Variants in SDCCAG8 observed in about 807,000 individuals in gnomAD.
The protein encoded by SDCCAG8 is serologically defined colon cancer antigen 8.
Under a neutral mutation model 101.8 loss-of-function variants are expected in SDCCAG8, and 74 were observed. That is an observed-to-expected ratio of 0.73 (90% confidence interval 0.60 to 0.88). SDCCAG8 has a LOEUF of 0.88. SDCCAG8 is among the 40% of genes least tolerant of loss of function. The pLI, the probability that SDCCAG8 is intolerant of heterozygous loss-of-function variation, is 0.00. For missense variants in SDCCAG8, 787 were observed against 822.6 expected (o/e 0.96, Z 0.53); for synonymous variants, 281 against 292.9 (o/e 0.96, Z 0.41).
chr1:243,403,236 G>T (rs1405933760), intron 13 of SDCCAG8, among the ~76,000 whole-genome samples: 8 of 152,156 alleles, frequency 5.3e-5, no homozygotes, highest in Non-Finnish European at 1.2e-4. Flanking sequence ...CTAGCACATG[G>T]TGGAGCCAGG....
intron 9 of SDCCAG8, among the ~76,000 whole-genome samples, chr1:243,329,992 T>G (rs2149348742): frequency 6.6e-6 from 1 of 152,316 alleles, no homozygotes. Flanking sequence ...GTTGTATGTT[T>G]AAGGGGAGTG....
intron 13 of SDCCAG8, among the ~76,000 whole-genome samples, chr1:243,413,877 T>C (rs1011376110): frequency 8.5e-5 from 13 of 152,136 alleles, no homozygotes; most frequent in African/African-American, 2.9e-4. Flanking sequence ...CTAAGCACCT[T>C]TTTCTAACAC....
chr1:243,426,305 A>C, intron 15 of SDCCAG8, 122 bp from the exon 16 acceptor site: 1 of 838,088 alleles, frequency 1.2e-6, no homozygotes, highest in Non-Finnish European at 1.9e-6. Context: ...CAAAGGATGT[A>C]GTTTTCATTA....
At chr1:243,392,216 A>G (rs546089940) in intron 13 of SDCCAG8, among the ~76,000 whole-genome samples, 93 of 152,374 alleles carry the variant, frequency 6.1e-4, no homozygotes, top group African/African-American at 2.2e-3. Flanking sequence ...AAAATAAATT[A>G]ATGAGTAGTC....
chr1:243,421,815 T>TA (rs2081028893), intron 15 of SDCCAG8, among the ~76,000 whole-genome samples: 1 of 152,200 alleles, frequency 6.6e-6, no homozygotes, highest in Admixed American at 6.5e-5. Context: ...TCTGAGAGCT[T>TA]ATTATAGTTA....
chr1:243,256,200 C>T lies in SDCCAG8; in HGVS notation c.27C>T (p.Thr9=). MAKSPENS[T]LEEILGQYQR... is the part of the protein sequence containing the mutation. ...TGGCGAAGTCCCCGGAGAACTCTACCCTGGAGGAGATTCTGGGGCAGTATC... is the reference window on the plus strand; with the variant it reads ...TGGCGAAGTCCCCGGAGAACTCTACTCTGGAGGAGATTCTGGGGCAGTATC... Residue 9 remains threonine, a synonymous_variant, in exon 1 of 18, where the codon ACC becomes ACT. Coordinates refer to ENST00000366541, the MANE Select transcript of SDCCAG8 (RefSeq NM_006642.5). 5.0e-6 allele frequency: 8 copies of T among 1,614,188 alleles called. No individual in the cohort carries two copies. Among genetic ancestry groups the T allele is most frequent in the South Asian group, 1.1e-5 (1 of 91,086 alleles).
In SDCCAG8 at chr1:243,304,790, C is replaced by T. The variant is rs779020478; in HGVS notation, c.740+13C>T. The T allele has an allele frequency of 6.7e-6, 10 of 1,489,824 alleles. No homozygotes were observed. The highest frequency in any genetic ancestry group is 2.3e-5 in the East Asian group (1 of 44,150). 92.3% of individuals were successfully genotyped at this position (1,489,824 alleles called of 1,614,324 possible). On this transcript the variant is annotated intron_variant, in intron 7 of 17. Transcript: ENST00000366541. ...TGAAGTTTTTGAGGTAAAGTGAAATCGTCCATTTATAGTCATACCAAAAGC... is the reference window on the plus strand; with the variant it reads ...TGAAGTTTTTGAGGTAAAGTGAAATTGTCCATTTATAGTCATACCAAAAGC...
intron 1 of SDCCAG8, among the ~76,000 whole-genome samples, chr1:243,257,430 T>C (rs548005245): frequency 1.4e-4 from 21 of 152,210 alleles, no homozygotes; most frequent in African/African-American, 3.6e-4. Context: ...CAAGACAAAG[T>C]TCCTATCCCC....
In SDCCAG8 at chr1:243,256,215, G is replaced by A; in HGVS notation, c.42G>A (p.Leu14=). Residue 14 remains leucine (L), a synonymous_variant, in exon 1 of 18, where the codon CTG becomes CTA. Transcript: ENST00000366541. ...SPENSTLEEI[L]GQYQRSLREH... is the part of the protein sequence containing the mutation. ...AGAACTCTACCCTGGAGGAGATTCTGGGGCAGTATCAACGGAGTCTCCGGG... is the reference window on the plus strand; with the variant it reads ...AGAACTCTACCCTGGAGGAGATTCTAGGGCAGTATCAACGGAGTCTCCGGG... 1 of 1,614,218 alleles carries A rather than the reference G, an allele frequency of 6.2e-7. No individual in the cohort carries two copies. Among genetic ancestry groups the A allele is most frequent in the East Asian group, 2.2e-5 (1 of 44,884 alleles).
intron 12 of SDCCAG8, among the ~76,000 whole-genome samples, chr1:243,356,420 C>CGGGGGGG (rs34982506): frequency 7.8e-6 from 1 of 128,298 alleles, no homozygotes; most frequent in African/African-American, 3.2e-5. Context: ...AAAGTAGTGG[C>CGGGGGGG]GGGGGGGTGG....
chr1:243,321,579 G>A (rs185331858), intron 9 of SDCCAG8, among the ~76,000 whole-genome samples: 2 of 152,286 alleles, frequency 1.3e-5, no homozygotes, highest in Admixed American at 1.3e-4. Flanking sequence ...TTTTATGGAT[G>A]TATACATTCC....
Position 243,441,715 on chromosome 1 carries a change from T to G in SDCCAG8, c.1985+15157T>G, listed in dbSNP as rs973313216. 2.0e-5 allele frequency among the ~76,000 whole-genome samples: 3 copies of G among 152,160 alleles called. No homozygotes were observed. In the East Asian group the frequency reaches 5.8e-4, roughly 29 times the overall value. ...TAGGTACAGATATATCATACAGACT[T>G]TGGAGTATCTTAACATTGAGATTGT... On this transcript the variant is annotated intron_variant, in intron 16 of 17. Transcript: ENST00000366541.
At chr1:243,260,077 T>G (rs2067086920) in intron 1 of SDCCAG8, among the ~76,000 whole-genome samples, 1 of 152,178 alleles carries the variant, frequency 6.6e-6, no homozygotes, top group Non-Finnish European at 1.5e-5. Flanking sequence ...AGATATCTCT[T>G]GCTTTGGGTC....
intron 16 of SDCCAG8, among the ~76,000 whole-genome samples, chr1:243,485,344 A>C (rs983442056): frequency 3.3e-5 from 5 of 152,246 alleles, no homozygotes; most frequent in Non-Finnish European, 7.3e-5. Flanking sequence ...AATGAAATTT[A>C]CATAGGTAAT....
At chr1:243,257,368 G>T (rs561468079) in intron 1 of SDCCAG8, among the ~76,000 whole-genome samples, 141 of 152,090 alleles carry the variant, frequency 9.3e-4, no homozygotes, top group African/African-American at 3.2e-3. Flanking sequence ...CTATGTGTCA[G>T]TGCCTCCTAC....
intron 9 of SDCCAG8, among the ~76,000 whole-genome samples, chr1:243,320,412 C>T (rs2073652472): frequency 1.3e-5 from 2 of 152,190 alleles, no homozygotes; most frequent in Admixed American, 1.3e-4. Flanking sequence ...GCCTTCAAGA[C>T]AGTCTCCACA....
At chr1:243,316,634 T>C in intron 8 of SDCCAG8, 121 bp from the exon 9 acceptor site, 1 of 1,193,136 alleles carries the variant, frequency 8.4e-7, no homozygotes, top group South Asian at 1.3e-5. Context: ...CTTTATTTCA[T>C]ATGTGCTCAG....
chr1:243,296,083 C>T (rs898115123), intron 6 of SDCCAG8, among the ~76,000 whole-genome samples: 5 of 152,038 alleles, frequency 3.3e-5, no homozygotes, highest in African/African-American at 9.7e-5. Context: ...GCAACCTGTA[C>T]CTCCTGGGTT....
chr1:243,469,086 C>T (rs890286693), intron 16 of SDCCAG8, among the ~76,000 whole-genome samples: 11 of 152,316 alleles, frequency 7.2e-5, no homozygotes, highest in East Asian at 5.8e-4. Flanking sequence ...GCTCAGATTT[C>T]GACCCAGATC....
Sources: allele counts gnomAD v4.1 joint callset (sites outside exome capture counted in the v4.1 genomes callset), GRCh38; gene constraint gnomAD v4.1.1; transcripts MANE v1.5; gene names NCBI Gene and HGNC (gene_info 2026-07-23, HGNC 2026-07-21).